PTPRM: variants seen among roughly 807,000 people sequenced by gnomAD.
PTPRM encodes the protein receptor-type tyrosine-protein phosphatase mu.
In PTPRM, 47 loss-of-function variants were observed where a neutral mutation model predicts 186.7. The ratio of observed to expected loss-of-function variants is 0.25; its 90% CI spans 0.20 to 0.32. The LOEUF (loss-of-function observed/expected upper bound fraction) is 0.32. Ranked by LOEUF, PTPRM falls within the 10% of genes least tolerant of loss-of-function variation. PTPRM has a pLI of 1.00. For missense variants in PTPRM, 1,494 were observed against 1,865.0 expected, an observed-to-expected ratio of 0.80 and a Z score of 3.66; for synonymous variants, 668 against 674.9, an observed-to-expected ratio of 0.99 and a Z score of 0.16.
intron 4 of PTPRM, among the ~76,000 whole-genome samples, chr18:7,909,248 G>T (rs563662434): frequency 5.1e-4 from 77 of 152,320 alleles, no homozygotes; most frequent in South Asian, 2.7e-3. Context: ...AAGCAATTTT[G>T]TTCTTCCCAT....
At chr18:7,651,323 A>G (rs1436120617) in intron 1 of PTPRM, among the ~76,000 whole-genome samples, 1 of 152,162 alleles carries the variant, frequency 6.6e-6, no homozygotes, top group African/African-American at 2.4e-5. Flanking sequence ...GGACTTCGTT[A>G]AAATTAAAAA....
intron 30 of PTPRM, among the ~76,000 whole-genome samples, chr18:8,386,313 G>A (rs1162161473): frequency 6.6e-6 from 1 of 152,126 alleles, no homozygotes; most frequent in Non-Finnish European, 1.5e-5. Flanking sequence ...CAGAGGAAGA[G>A]GAAGGGCCCC....
At chr18:7,641,078 G>C (rs1212794664) in intron 1 of PTPRM, among the ~76,000 whole-genome samples, 1 of 152,186 alleles carries the variant, frequency 6.6e-6, no homozygotes, top group African/African-American at 2.4e-5. Flanking sequence ...CAACATGCAG[G>C]TCTTTTCAGC....
chr18:7,732,586 A>G (rs1473355243), intron 1 of PTPRM, among the ~76,000 whole-genome samples: 1 of 152,086 alleles, frequency 6.6e-6, no homozygotes, highest in Non-Finnish European at 1.5e-5. Flanking sequence ...AGCTCACTGC[A>G]GCCTTTGCCT....
intron 1 of PTPRM, among the ~76,000 whole-genome samples, chr18:7,611,724 A>T (rs994844056): frequency 6.6e-6 from 1 of 152,110 alleles, no homozygotes; most frequent in Non-Finnish European, 1.5e-5. Context: ...AATAAGTCTC[A>T]TGAGACCTAA....
At chr18:7,972,738 A>T (rs2054645357) in intron 7 of PTPRM, among the ~76,000 whole-genome samples, 1 of 152,112 alleles carries the variant, frequency 6.6e-6, no homozygotes, top group Non-Finnish European at 1.5e-5. Flanking sequence ...CACTGAAGTC[A>T]TAGATGTGAT....
At chr18:7,888,056 C>T (rs2048875167) in intron 2 of PTPRM, 50 bp from the exon 3 acceptor site, 1 of 1,612,176 alleles carries the variant, frequency 6.2e-7, no homozygotes, top group Non-Finnish European at 8.5e-7. Context: ...TCAGAGATAA[C>T]CAGAAAGTAG....
At chr18:8,064,388 T>TG (rs397794216) in intron 7 of PTPRM, among the ~76,000 whole-genome samples, 1 of 151,758 alleles carries the variant, frequency 6.6e-6, no homozygotes, top group Admixed American at 6.6e-5. Flanking sequence ...TTTTTTTTTT[T>TG]GCTTCTCTTA....
intron 4 of PTPRM, among the ~76,000 whole-genome samples, 177 bp from the exon 5 acceptor site, chr18:7,926,391 C>G (rs1407655656): frequency 6.6e-6 from 1 of 152,010 alleles, no homozygotes; most frequent in Non-Finnish European, 1.5e-5. Flanking sequence ...ATACTAAAAC[C>G]TTTTATGATT....
At chr18:8,025,469 T>C (rs2085512375) in intron 7 of PTPRM, among the ~76,000 whole-genome samples, 1 of 152,222 alleles carries the variant, frequency 6.6e-6, no homozygotes, top group Admixed American at 6.5e-5. Context: ...CCAGGAGAAG[T>C]TTCTTCTTTG....
chr18:7,590,506 A>G (rs567065546), intron 1 of PTPRM, among the ~76,000 whole-genome samples: 22 of 152,210 alleles, frequency 1.4e-4, no homozygotes, highest in Non-Finnish European at 2.4e-4. Flanking sequence ...AAGAGTGGAT[A>G]TATACAAAGA....
chr18:8,399,181 G>A (rs777414724), intron 32 of PTPRM, among the ~76,000 whole-genome samples: 3 of 152,214 alleles, frequency 2.0e-5, no homozygotes, highest in Admixed American at 6.5e-5. Context: ...GGCAGAGACA[G>A]GGAACACAAC....
intron 7 of PTPRM, among the ~76,000 whole-genome samples, chr18:8,013,530 G>T (rs897135135): frequency 7.9e-5 from 12 of 152,276 alleles, no homozygotes; most frequent in African/African-American, 2.9e-4. Flanking sequence ...TCTTCATCCT[G>T]GTTGTCTTCA....
rs187362495 is a variant in PTPRM at position 7,607,975 on chromosome 18, A to G, written c.73+40084A>G. On this transcript the variant is annotated intron_variant, in intron 1 of 32. Transcript: ENST00000580170. ...CCAGCTGCCTGTGTGGTGGCCTTTTAGGGCCATTGGGCCCTCCTGCTCTAC... is the reference window on the plus strand; with the variant it reads ...CCAGCTGCCTGTGTGGTGGCCTTTTGGGGCCATTGGGCCCTCCTGCTCTAC... Among the ~76,000 whole-genome samples the G allele has an allele frequency of 1.2e-3, 178 of 152,310 alleles. 7 individuals carry two copies. The East Asian group carries it at 0.031, about 26-fold the overall frequency.
At chr18:8,191,805 T>C (rs2093713478) in intron 14 of PTPRM, among the ~76,000 whole-genome samples, 1 of 152,086 alleles carries the variant, frequency 6.6e-6, no homozygotes, top group African/African-American at 2.4e-5. Context: ...GTTTTTCATA[T>C]CCCAGAAATA....
intron 5 of PTPRM, among the ~76,000 whole-genome samples, chr18:7,929,348 C>T (rs143749564): frequency 1.3e-5 from 2 of 152,260 alleles, no homozygotes; most frequent in Admixed American, 6.5e-5. Context: ...TTTTCACAGT[C>T]GGTCCCTTAA....
chr18:7,954,325 T>C (rs2053173799), intron 6 of PTPRM, among the ~76,000 whole-genome samples: 1 of 152,220 alleles, frequency 6.6e-6, no homozygotes, highest in South Asian at 2.1e-4. Context: ...CTTTCCTTTC[T>C]ATTCACTGCT....
intron 20 of PTPRM, among the ~76,000 whole-genome samples, chr18:8,303,037 T>C (rs1051442806): frequency 2.6e-5 from 4 of 151,956 alleles, no homozygotes; most frequent in African/African-American, 7.2e-5. Flanking sequence ...ATGGGTCATA[T>C]GGGTGGTGGT....
Position 8,180,598 on chromosome 18 carries a change from G to T in PTPRM, c.2300+36819G>T, listed in dbSNP as rs8094968. On this transcript the variant is annotated intron_variant, in intron 14 of 32. Coordinates refer to ENST00000580170, the MANE Select transcript of PTPRM (RefSeq NM_001105244.2). ...CCCTTGGGGTGGGCTGTTCGAATGCGCAGTGGCCTGCCGGCACTTGGGAGG... is the reference window on the plus strand; with the variant it reads ...CCCTTGGGGTGGGCTGTTCGAATGCTCAGTGGCCTGCCGGCACTTGGGAGG... Among the ~76,000 whole-genome samples, 25 of 152,144 alleles carry T rather than the reference G, an allele frequency of 1.6e-4. No individual in the cohort carries two copies. In the East Asian group the frequency reaches 3.9e-3, roughly 24 times the overall value.
Sources: allele counts gnomAD v4.1 joint callset (sites outside exome capture counted in the v4.1 genomes callset), GRCh38; gene constraint gnomAD v4.1.1; transcripts MANE v1.5; gene names NCBI Gene and HGNC (gene_info 2026-07-23, HGNC 2026-07-21).